LRP12: variants seen among roughly 807,000 people sequenced by gnomAD.
The protein encoded by LRP12 is low-density lipoprotein receptor-related protein 12.
A neutral mutation model predicts 66.0 loss-of-function variants in LRP12; 14 were observed. That is an observed-to-expected ratio of 0.21 (90% CI 0.14 to 0.33). LRP12 has a LOEUF of 0.33. LRP12 is among the 10% of genes least tolerant of loss of function. LRP12 has a pLI of 1.00. For missense variants in LRP12, 889 were observed against 1,053.4 expected, an observed-to-expected ratio of 0.84 and a Z score of 2.16; for synonymous variants, 357 against 359.1, an observed-to-expected ratio of 0.99 and a Z score of 0.07.
chr8:104,522,740 A>G (rs1436461717), intron 2 of LRP12, among the ~76,000 whole-genome samples: 2 of 152,168 alleles, frequency 1.3e-5, no homozygotes, highest in Non-Finnish European at 2.9e-5. Context: ...AATATTTTAT[A>G]AACTTCAGGC....
At chr8:104,571,500 T>C (rs1174221953) in intron 1 of LRP12, among the ~76,000 whole-genome samples, 1 of 152,146 alleles carries the variant, frequency 6.6e-6, no homozygotes, top group African/African-American at 2.4e-5. Flanking sequence ...TCTCATGAGA[T>C]CTGATGATTT....
At chr8:104,515,788 A>G (rs112974490) in intron 2 of LRP12, among the ~76,000 whole-genome samples, 148 of 152,306 alleles carry the variant, frequency 9.7e-4, no homozygotes, top group South Asian at 8.3e-4. Context: ...TTTATTTGCT[A>G]GGGTTATACT....
chr8:104,514,876 G>C (rs1267825035), intron 2 of LRP12, among the ~76,000 whole-genome samples: 1 of 152,170 alleles, frequency 6.6e-6, no homozygotes, highest in African/African-American at 2.4e-5. Flanking sequence ...TGCCAAATCA[G>C]ACTGGTTGGT....
intron 1 of LRP12, among the ~76,000 whole-genome samples, chr8:104,546,620 C>T (rs1483701270): frequency 6.6e-6 from 1 of 151,982 alleles, no homozygotes; most frequent in Non-Finnish European, 1.5e-5. Context: ...CAGAGACAGA[C>T]TCAAATCCAG....
At chr8:104,508,205 C>T (rs1043542752) in intron 3 of LRP12, 6 of 151,996 alleles carry the variant, frequency 3.9e-5, no homozygotes, top group Non-Finnish European at 7.4e-5. Flanking sequence ...TTCCTAATGG[C>T]CTTGATAGAA....
chr8:104,500,063 G>C (rs528218913), intron 3 of LRP12, among the ~76,000 whole-genome samples: 1 of 152,158 alleles, frequency 6.6e-6, no homozygotes, highest in South Asian at 2.1e-4. Context: ...TTGAGTTTGG[G>C]AATACTTTTT....
intron 1 of LRP12, among the ~76,000 whole-genome samples, chr8:104,546,349 C>T (rs1159489056): frequency 1.3e-5 from 2 of 152,112 alleles, no homozygotes; most frequent in East Asian, 1.9e-4. Context: ...ACAATCAAGA[C>T]ACAAAACATT....
intron 2 of LRP12, among the ~76,000 whole-genome samples, chr8:104,524,126 C>T (rs1379454975): frequency 2.0e-5 from 3 of 151,344 alleles, no homozygotes; most frequent in African/African-American, 7.3e-5. Context: ...CCTGTAGTCC[C>T]AGCTACTCGG....
chr8:104,524,454 A>G (rs1367839629), intron 2 of LRP12, among the ~76,000 whole-genome samples: 1 of 152,112 alleles, frequency 6.6e-6, no homozygotes, highest in Non-Finnish European at 1.5e-5. Flanking sequence ...TCAACTGTAT[A>G]TGAATATGTC....
At chr8:104,532,786 T>C (rs1811345456) in intron 1 of LRP12, among the ~76,000 whole-genome samples, 1 of 152,134 alleles carries the variant, frequency 6.6e-6, no homozygotes, top group Non-Finnish European at 1.5e-5. Context: ...GAATATTGTA[T>C]TGCACCCCCC....
intron 1 of LRP12, among the ~76,000 whole-genome samples, chr8:104,551,230 C>A (rs1356262630): frequency 6.6e-6 from 1 of 152,178 alleles, no homozygotes; most frequent in Non-Finnish European, 1.5e-5. Context: ...CAACCCAGTT[C>A]AGGAAATACA....
chr8:104,503,589 T>G (rs920568818), intron 3 of LRP12, among the ~76,000 whole-genome samples: 2 of 152,100 alleles, frequency 1.3e-5, no homozygotes, highest in African/African-American at 2.4e-5. Flanking sequence ...TTCTTGATGT[T>G]TTTTGGTTTA....
At chr8:104,533,157 T>C (rs927435000) in intron 1 of LRP12, among the ~76,000 whole-genome samples, 1 of 152,120 alleles carries the variant, frequency 6.6e-6, no homozygotes, top group Non-Finnish European at 1.5e-5. Flanking sequence ...GGGAAGGCCA[T>C]ATTAAGTATA....
intron 1 of LRP12, among the ~76,000 whole-genome samples, chr8:104,552,280 T>A (rs1055285010): frequency 7.9e-5 from 12 of 152,296 alleles, no homozygotes; most frequent in East Asian, 7.7e-4. Context: ...TGGCATTTTT[T>A]AAATTTACCA....
chr8:104,572,361 C>G (rs2140894943), intron 1 of LRP12, among the ~76,000 whole-genome samples: 1 of 152,102 alleles, frequency 6.6e-6, no homozygotes, highest in Non-Finnish European at 1.5e-5. Flanking sequence ...CATGTGTTAA[C>G]AGTCACATAA....
At chr8:104,587,155 CATTT>C (rs922123476) in intron 1 of LRP12, among the ~76,000 whole-genome samples, 6 of 152,060 alleles carry the variant, frequency 3.9e-5, no homozygotes, top group East Asian at 1.9e-4. Flanking sequence ...AAGAAGAGCC[CATTT>C]ATTTATCTAT....
chr8:104,515,789 G>A (rs4355736), intron 2 of LRP12, among the ~76,000 whole-genome samples: 1 of 152,156 alleles, frequency 6.6e-6, no homozygotes, highest in Non-Finnish European at 1.5e-5. Context: ...TTATTTGCTA[G>A]GGTTATACTT....
intron 2 of LRP12, among the ~76,000 whole-genome samples, chr8:104,525,605 A>G (rs12114649): frequency 0.018 from 2,719 of 152,148 alleles, 86 homozygotes; most frequent in African/African-American, 0.061. Context: ...CTCACCAGAT[A>G]TTTTAACTAG....
chr8:104,499,533 C>T lies in LRP12; in HGVS notation c.273-14G>A, dbSNP rs372786571. 1.5e-5 allele frequency: 23 copies of T among 1,561,656 alleles called. No homozygotes were observed. The highest frequency in any genetic ancestry group is 1.9e-5 in the Non-Finnish European group (22 of 1,152,076). On this transcript the variant is annotated splice_polypyrimidine_tract_variant and intron_variant, in intron 3 of 6. Coordinates refer to ENST00000276654, the MANE Select transcript of LRP12 (RefSeq NM_013437.5). ...AAATCCTGAAAACTGAAAAAAAAAT[C>T]AGAAATGTCTATTAAAAAGTCAATT...
Sources: allele counts gnomAD v4.1 joint callset (sites outside exome capture counted in the v4.1 genomes callset), GRCh38; gene constraint gnomAD v4.1.1; transcripts MANE v1.5; gene names NCBI Gene and HGNC (gene_info 2026-07-23, HGNC 2026-07-21).